The following ZNF385D variants were observed in gnomAD, a reference collection of about 807,000 sequenced individuals.
ZNF385D encodes the protein zinc finger protein 385D.
Under a neutral mutation model 35.8 loss-of-function variants are expected in ZNF385D, and 15 were observed. That is an observed-to-expected ratio of 0.42 (90% confidence interval 0.28 to 0.64). The LOEUF (loss-of-function observed/expected upper bound fraction) is 0.64. Ranked by LOEUF, ZNF385D falls within the 30% of genes least tolerant of loss-of-function variation. ZNF385D has a pLI of 0.23. For missense variants in ZNF385D, 474 were observed against 494.6 expected, an observed-to-expected ratio of 0.96 and a Z score of 0.39; for synonymous variants, 212 against 186.8, an observed-to-expected ratio of 1.13 and a Z score of -1.10.
At chr3:21,906,015 A>G (rs1470337348) in intron 3 of ZNF385D, among the ~76,000 whole-genome samples, 1 of 152,216 alleles carries the variant, frequency 6.6e-6, no homozygotes, top group Non-Finnish European at 1.5e-5. Flanking sequence ...TTCAAGTCCC[A>G]TAAAAAGGAA....
intron 1 of ZNF385D, among the ~76,000 whole-genome samples, chr3:21,711,262 C>T (rs1221550810): frequency 6.6e-6 from 1 of 151,686 alleles, no homozygotes; most frequent in Non-Finnish European, 1.5e-5. Context: ...AGGATGGTCT[C>T]GATCTCCTGA....
intron 3 of ZNF385D, among the ~76,000 whole-genome samples, chr3:21,943,308 GTA>G (rs1003971606): frequency 5.3e-5 from 8 of 151,240 alleles, no homozygotes; most frequent in African/African-American, 1.9e-4. Flanking sequence ...GTGTGTGTGT[GTA>G]TATATATGTA....
At chr3:21,938,460 A>AC (rs1198692788) in intron 3 of ZNF385D, among the ~76,000 whole-genome samples, 1 of 152,214 alleles carries the variant, frequency 6.6e-6, no homozygotes, top group Non-Finnish European at 1.5e-5. Context: ...TTATTGGCCT[A>AC]CCCACAGCAC....
intron 2 of ZNF385D, among the ~76,000 whole-genome samples, chr3:22,331,785 A>G (rs1387688343): frequency 1.3e-5 from 2 of 152,162 alleles, no homozygotes; most frequent in African/African-American, 4.8e-5. Flanking sequence ...AACTTTTACT[A>G]AAAAGGAAAC....
intron 3 of ZNF385D, among the ~76,000 whole-genome samples, chr3:22,125,742 T>C (rs984235239): frequency 1.3e-5 from 2 of 152,136 alleles, no homozygotes; most frequent in Non-Finnish European, 2.9e-5. Context: ...CATATAGAAA[T>C]GCTAATGATT....
At chr3:21,963,194 A>C (rs1381519691) in intron 3 of ZNF385D, among the ~76,000 whole-genome samples, 1 of 152,198 alleles carries the variant, frequency 6.6e-6, no homozygotes, top group Non-Finnish European at 1.5e-5. Context: ...TGTTCCACTT[A>C]TAACTCTGTG....
In ZNF385D at chr3:21,931,317, G is replaced by T. The variant is rs535530892; in HGVS notation, c.325+237500C>A. 1.1e-4 allele frequency among the ~76,000 whole-genome samples: 16 copies of T among 152,258 alleles called. No individual in the cohort carries two copies. The South Asian group carries it at 3.1e-3, about 30-fold the overall frequency. ...TAACAAGTATTAGAGAGGATGAGGA[G>T]ACACCAGAACTGCACACATAGGTGG... is the stretch of plus-strand genomic sequence containing the variant. On this transcript the variant is annotated intron_variant, in intron 3 of 5. Transcript: ENST00000494108.
intron 3 of ZNF385D, among the ~76,000 whole-genome samples, chr3:21,867,435 T>C (rs1697429671): frequency 1.3e-5 from 2 of 152,112 alleles, no homozygotes; most frequent in South Asian, 4.1e-4. Flanking sequence ...AACTAATCAG[T>C]AGATTTGGGA....
chr3:21,493,825 G>A (rs898761656), intron 4 of ZNF385D, among the ~76,000 whole-genome samples: 1 of 152,054 alleles, frequency 6.6e-6, no homozygotes, highest in Non-Finnish European at 1.5e-5. Flanking sequence ...AAGAATTAAA[G>A]CACTTTTCCA....
At chr3:22,345,462 G>T (rs1355026511) in intron 2 of ZNF385D, among the ~76,000 whole-genome samples, 1 of 152,112 alleles carries the variant, frequency 6.6e-6, no homozygotes. Context: ...AAATACCTTA[G>T]ATTATTTCTT....
intron 3 of ZNF385D, among the ~76,000 whole-genome samples, chr3:21,973,579 G>A (rs1679755079): frequency 6.6e-6 from 1 of 151,784 alleles, no homozygotes; most frequent in African/African-American, 2.4e-5. Context: ...ACCAATAGGA[G>A]AAGAGAAAGA....
intron 2 of ZNF385D, among the ~76,000 whole-genome samples, chr3:22,309,710 G>A (rs185543167): frequency 1.3e-5 from 2 of 151,890 alleles, no homozygotes; most frequent in East Asian, 3.9e-4. Context: ...TCCTGTTTTT[G>A]GTAAATCTCA....
intron 3 of ZNF385D, among the ~76,000 whole-genome samples, chr3:21,818,697 A>T (rs893208571): frequency 3.3e-5 from 5 of 152,156 alleles, no homozygotes; most frequent in African/African-American, 1.2e-4. Flanking sequence ...AAAGGTAAAG[A>T]AATAAGATAT....
Position 22,003,551 on chromosome 3 carries a change from T to C in ZNF385D, c.325+165266A>G, listed in dbSNP as rs1417092814. Among the ~76,000 whole-genome samples, 8 of 152,058 alleles carry C rather than the reference T, an allele frequency of 5.3e-5. No homozygotes were observed. The East Asian group carries it at 1.5e-3, about 29-fold the overall frequency. ...AATCTTTTTCAAAATATCAATAATGTTTTTTACAGAAATGAAAAAAATACC... is the reference window on the plus strand; with the variant it reads ...AATCTTTTTCAAAATATCAATAATGCTTTTTACAGAAATGAAAAAAATACC... On this transcript the variant is annotated intron_variant, in intron 3 of 5. Transcript: ENST00000494108.
intron 3 of ZNF385D, among the ~76,000 whole-genome samples, chr3:22,127,920 G>A (rs1365952150): frequency 6.6e-6 from 1 of 152,134 alleles, no homozygotes; most frequent in Non-Finnish European, 1.5e-5. Flanking sequence ...AAAGATATGA[G>A]TAGTTTACAT....
chr3:22,187,614 ATACT>A (rs1328520110), intron 2 of ZNF385D, among the ~76,000 whole-genome samples: 1 of 152,168 alleles, frequency 6.6e-6, no homozygotes, highest in Non-Finnish European at 1.5e-5. Context: ...CTCATGAGGA[ATACT>A]TACACATTTT....
intron 2 of ZNF385D, among the ~76,000 whole-genome samples, chr3:21,636,891 A>G (rs148582263): frequency 7.4e-4 from 113 of 151,954 alleles, no homozygotes; most frequent in African/African-American, 2.7e-3. Flanking sequence ...GGCCATTTGT[A>G]TATCTTCTTT....
intron 2 of ZNF385D, among the ~76,000 whole-genome samples, chr3:21,595,557 C>A (rs536372900): frequency 2.6e-5 from 4 of 151,138 alleles, no homozygotes; most frequent in Non-Finnish European, 5.9e-5. Flanking sequence ...AAACAGTATA[C>A]CTACTACGTG....
intron 3 of ZNF385D, among the ~76,000 whole-genome samples, chr3:21,941,459 T>C (rs1476073394): frequency 6.6e-6 from 1 of 151,858 alleles, no homozygotes; most frequent in Non-Finnish European, 1.5e-5. Flanking sequence ...GGATGTTTTC[T>C]ATGGTCTTTT....
Sources: allele counts gnomAD v4.1 joint callset (sites outside exome capture counted in the v4.1 genomes callset), GRCh38; gene constraint gnomAD v4.1.1; transcripts MANE v1.5; gene names NCBI Gene and HGNC (gene_info 2026-07-23, HGNC 2026-07-21).